Variants in ATRNL1 observed in about 807,000 individuals in gnomAD.
ATRNL1 encodes the protein attractin like 1, also known as attractin-like protein 1.
ATRNL1 carries 95 observed loss-of-function variants against 182.7 expected under a neutral mutation model. The ratio of observed to expected loss-of-function variants is 0.52; its 90% CI spans 0.44 to 0.62. The LOEUF is 0.62. ATRNL1 is among the 20% of genes least tolerant of loss of function. The pLI is 0.00. For synonymous variants in ATRNL1, 576 were observed against 568.3 expected (o/e 1.01, Z -0.19); for missense variants, 1,471 against 1,679.5 (o/e 0.88, Z 2.17).
At chr10:115,242,300 G>A (rs1205669718) in intron 10 of ATRNL1, among the ~76,000 whole-genome samples, 3 of 151,954 alleles carry the variant, frequency 2.0e-5, no homozygotes, top group African/African-American at 7.2e-5. Context: ...ACTAAAAACA[G>A]TTTGCATTTA....
intron 26 of ATRNL1, among the ~76,000 whole-genome samples, chr10:115,635,100 A>G (rs1346845632): frequency 6.6e-6 from 1 of 152,154 alleles, no homozygotes; most frequent in Non-Finnish European, 1.5e-5. Flanking sequence ...TCTAAATGAG[A>G]CTTTTCAAAT....
At chr10:115,516,161 T>C (rs577442048) in intron 24 of ATRNL1, among the ~76,000 whole-genome samples, 20 of 151,888 alleles carry the variant, frequency 1.3e-4, no homozygotes, top group Non-Finnish European at 2.7e-4. Flanking sequence ...ATTTCACATT[T>C]AACATATTCT....
rs145704056 is a variant in ATRNL1, at chr10:115,797,293, G to T, written c.3904-50584G>T. Among the ~76,000 whole-genome samples, 18 of 152,252 alleles carry T rather than the reference G, an allele frequency of 1.2e-4. No homozygotes were observed. The East Asian group carries it at 3.5e-3, about 29-fold the overall frequency. ...AAGTAGGAAAAATAGGCCTTTAAAA[G>T]TCCTAAAATATGACACCTTTTCCTT... On this transcript the variant is annotated intron_variant, in intron 27 of 28. Coordinates refer to ENST00000355044, the MANE Select transcript of ATRNL1 (RefSeq NM_207303.4).
intron 6 of ATRNL1, among the ~76,000 whole-genome samples, chr10:115,164,157 A>T (rs968330350): frequency 4.6e-5 from 7 of 152,150 alleles, no homozygotes; most frequent in African/African-American, 7.2e-5. Context: ...AGCATTTGGG[A>T]TTTATAATTT....
intron 20 of ATRNL1, among the ~76,000 whole-genome samples, chr10:115,413,839 C>T (rs558254912): frequency 5.3e-5 from 8 of 152,058 alleles, no homozygotes; most frequent in South Asian, 2.1e-4. Flanking sequence ...GCTAGGTATG[C>T]TTTTTGCTCT....
At position 115,135,105 on chromosome 10, in the gene ATRNL1, A is replaced by C. The variant is rs1264788; in HGVS notation, c.829+5570A>C. Among the ~76,000 whole-genome samples the C allele has an allele frequency of 7.9e-3, 1,195 of 152,200 alleles. 28 individuals are homozygous for C. Among genetic ancestry groups the C allele is most frequent in the African/African-American group, 0.028 (1,157 of 41,438 alleles). On this transcript the variant is annotated intron_variant, in intron 5 of 28. Coordinates refer to ENST00000355044, the MANE Select transcript of ATRNL1 (RefSeq NM_207303.4). ...TACCGAATGGGCAAAAACTGGAAGC[A>C]TTCCCTTTGAAAACGGGCACAAGAC...
intron 14 of ATRNL1, among the ~76,000 whole-genome samples, chr10:115,281,943 C>T (rs911852341): frequency 6.8e-6 from 1 of 147,120 alleles, no homozygotes; most frequent in Admixed American, 6.8e-5. Context: ...TATTTTGCCT[C>T]TCTGTATCCT....
Position 115,719,861 on chromosome 10 carries a change from CT to C in ATRNL1, c.3796-7370del, listed in dbSNP as rs35436098. ...AATTCTATCCACCCCCCCACACACT[CT>C]TTTTTTTTTTTTTTTTGAGATGGAG... On this transcript the variant is annotated intron_variant, in intron 26 of 28. Coordinates refer to ENST00000355044, the MANE Select transcript of ATRNL1 (RefSeq NM_207303.4). Among the ~76,000 whole-genome samples the C allele has an allele frequency of 3.7e-3, 479 of 128,670 alleles. 1 individual carries two copies. The highest frequency in any genetic ancestry group is 5.5e-3 in the Non-Finnish European group (336 of 61,552). 84.4% of individuals were successfully genotyped at this position (128,670 alleles called of 152,430 possible).
At chr10:115,788,058 T>C (rs1429489755) in intron 27 of ATRNL1, among the ~76,000 whole-genome samples, 4 of 152,314 alleles carry the variant, frequency 2.6e-5, no homozygotes, top group South Asian at 2.1e-4. Context: ...AGGAAAATAA[T>C]ACAGGTACGT....
chr10:115,469,806 G>A (rs1365771331), intron 24 of ATRNL1, among the ~76,000 whole-genome samples: 1 of 150,402 alleles, frequency 6.6e-6, no homozygotes, highest in Admixed American at 6.7e-5. Flanking sequence ...TGTACTACAT[G>A]TGTGTTTTAC....
intron 28 of ATRNL1, among the ~76,000 whole-genome samples, chr10:115,887,000 C>T (rs937765389): frequency 2.0e-5 from 3 of 152,176 alleles, no homozygotes; most frequent in African/African-American, 7.2e-5. Flanking sequence ...GTAGTACATT[C>T]GTTCTAGTTT....
At chr10:115,296,765 A>G (rs781935357) in intron 15 of ATRNL1, among the ~76,000 whole-genome samples, 4 of 152,166 alleles carry the variant, frequency 2.6e-5, no homozygotes, top group Non-Finnish European at 4.4e-5. Context: ...TCAGGAAACT[A>G]CTTTTCTGTG....
chr10:115,746,553 G>A (rs1555069211), intron 27 of ATRNL1, among the ~76,000 whole-genome samples: 1 of 151,930 alleles, frequency 6.6e-6, no homozygotes, highest in Non-Finnish European at 1.5e-5. Context: ...CATAATGGAA[G>A]TTGCCACTTA....
intron 27 of ATRNL1, among the ~76,000 whole-genome samples, chr10:115,799,556 A>G (rs1949742349): frequency 6.6e-6 from 1 of 152,224 alleles, no homozygotes; most frequent in African/African-American, 2.4e-5. Flanking sequence ...CTGGAATCAC[A>G]GTTGCTCTCC....
At chr10:115,282,070 A>AATATG (rs1564877806) in intron 14 of ATRNL1, among the ~76,000 whole-genome samples, 1 of 145,974 alleles carries the variant, frequency 6.9e-6, no homozygotes, top group African/African-American at 2.5e-5. Context: ...TGTAACATAT[A>AATATG]TTTATTAAAA....
intron 8 of ATRNL1, among the ~76,000 whole-genome samples, chr10:115,198,929 A>G (rs1848454992): frequency 6.6e-6 from 1 of 152,122 alleles, no homozygotes; most frequent in African/African-American, 2.4e-5. Flanking sequence ...TTTGCAATCA[A>G]CTAATGGGAG....
chr10:115,813,765 A>T (rs1950102095), intron 27 of ATRNL1, among the ~76,000 whole-genome samples: 1 of 152,222 alleles, frequency 6.6e-6, no homozygotes, highest in Non-Finnish European at 1.5e-5. Context: ...TCCTTAAAAG[A>T]TAAACTACAG....
intron 9 of ATRNL1, among the ~76,000 whole-genome samples, chr10:115,218,752 G>A (rs982017476): frequency 2.6e-5 from 4 of 152,170 alleles, no homozygotes; most frequent in Non-Finnish European, 5.9e-5. Flanking sequence ...CTCCTGAAGT[G>A]ACAGAATGAG....
intron 7 of ATRNL1, among the ~76,000 whole-genome samples, chr10:115,170,609 C>A (rs1316143818): frequency 2.7e-5 from 4 of 150,930 alleles, no homozygotes; most frequent in Admixed American, 2.6e-4. Flanking sequence ...TAATATTAAT[C>A]AGCAACTTAG....
Sources: allele counts gnomAD v4.1 joint callset (sites outside exome capture counted in the v4.1 genomes callset), GRCh38; gene constraint gnomAD v4.1.1; transcripts MANE v1.5; gene names NCBI Gene and HGNC (gene_info 2026-07-23, HGNC 2026-07-21).